AP3D1: variants seen among roughly 807,000 people sequenced by gnomAD.
AP3D1 encodes the protein adaptor related protein complex 3 subunit delta 1.
Under a neutral mutation model 147.6 loss-of-function variants are expected in AP3D1, and 51 were observed. The ratio of observed to expected loss-of-function variants is 0.35; its 90% CI spans 0.28 to 0.44. The LOEUF is 0.44. AP3D1 is among the 20% of genes least tolerant of loss of function. The pLI is 1.00. For missense variants in AP3D1, 1,421 were observed against 1,624.2 expected, an observed-to-expected ratio of 0.87 and a Z score of 2.15; for synonymous variants, 760 against 663.0, an observed-to-expected ratio of 1.15 and a Z score of -2.25.
chr19:2,159,677 C>T (rs1481021472), intron 1 of AP3D1, among the ~76,000 whole-genome samples: 14 of 147,958 alleles, frequency 9.5e-5, no homozygotes, highest in Admixed American at 2.0e-4. Flanking sequence ...TGTGAGCCAC[C>T]GTGCCCGGCC....
rs1361272373 is a variant in AP3D1, at chr19:2,101,078, C to T, written c.*1095G>A. The stretch of plus-strand genomic sequence containing the variant: ...TGTCTCTCTCTTTATACGGGAATGT[C>T]GATAGCAAATAAATTCTTATGTAAC... On this transcript the variant is annotated 3_prime_UTR_variant, in exon 32 of 32. Transcript: ENST00000643116. 2.6e-5 allele frequency: 4 copies of T among 152,530 alleles called. No homozygotes were observed. The highest frequency in any genetic ancestry group is 5.9e-5 in the Non-Finnish European group (4 of 68,032). 9.4% of individuals were successfully genotyped at this position (152,530 alleles called of 1,614,324 possible).
intron 29 of AP3D1, chr19:2,109,547 A>G (rs538780616): frequency 6.3e-6 from 3 of 475,958 alleles, no homozygotes; most frequent in Non-Finnish European, 1.1e-5. Context: ...CTCAGGGGGG[A>G]GGGGGTGCCG....
intron 1 of AP3D1, chr19:2,164,183 A>G (rs2144620004): frequency 8.9e-7 from 1 of 1,125,866 alleles, no homozygotes; most frequent in Non-Finnish European, 1.1e-6. Context: ...GCGCGCGCGG[A>G]CATGGGGGAG....
intron 31 of AP3D1, among the ~76,000 whole-genome samples, chr19:2,104,142 C>A: frequency 6.6e-6 from 1 of 150,866 alleles, no homozygotes; most frequent in South Asian, 2.1e-4. Context: ...ACCCCAACGC[C>A]AAGACACCAA....
At chr19:2,124,759 G>A (rs570184952) in intron 9 of AP3D1, among the ~76,000 whole-genome samples, 6 of 152,274 alleles carry the variant, frequency 3.9e-5, no homozygotes, top group Admixed American at 3.9e-4. Flanking sequence ...TGACCAACAT[G>A]GAGAAACTCT....
intron 1 of AP3D1, chr19:2,164,015 C>A (rs1474412200): frequency 7.9e-6 from 2 of 254,742 alleles, no homozygotes; most frequent in African/African-American, 2.3e-5. Flanking sequence ...AGTCGGGGGC[C>A]GGGCCGGACC....
At chr19:2,113,481 C>A in intron 22 of AP3D1, 68 bp from the exon 23 acceptor site, 1 of 1,009,178 alleles carries the variant, frequency 9.9e-7, no homozygotes, top group African/African-American at 1.7e-5. Context: ...ACGGGGACAG[C>A]AGGGCCAAGG....
chr19:2,116,036 G>A (rs1568282174), intron 18 of AP3D1, among the ~76,000 whole-genome samples, 171 bp downstream of exon 18: 1 of 152,236 alleles, frequency 6.6e-6, no homozygotes, highest in Non-Finnish European at 1.5e-5. Context: ...TCGAATGAAT[G>A]GGGCCCACAG....
chr19:2,152,663 G>A (rs1038272761), upstream of AP3D1, among the ~76,000 whole-genome samples: 3 of 151,904 alleles, frequency 2.0e-5, no homozygotes, highest in Non-Finnish European at 4.4e-5. Context: ...GGATCATGAG[G>A]TCAGGAGTTC....
chr19:2,138,494 G>T, intron 2 of AP3D1, 125 bp downstream of exon 2: 1 of 764,310 alleles, frequency 1.3e-6, no homozygotes, highest in Non-Finnish European at 2.3e-6. Flanking sequence ...GGCCCTGAGT[G>T]GCTCACCGAC....
At chr19:2,112,811 C>T in intron 24 of AP3D1, 49 bp downstream of exon 24, 2 of 1,473,446 alleles carry the variant, frequency 1.4e-6, no homozygotes, top group Non-Finnish European at 1.9e-6. Flanking sequence ...CGTTGGGGTG[C>T]TGGGGCTCAT....
intron 1 of AP3D1, among the ~76,000 whole-genome samples, chr19:2,146,607 CAA>C (rs397859951): frequency 9.2e-4 from 61 of 66,640 alleles, no homozygotes; most frequent in Admixed American, 5.4e-3. Context: ...GACCCTGTCT[CAA>C]AAAAAAAAAA....
Position 2,118,624 on chromosome 19 carries a change from C to A in AP3D1, c.1690G>T (p.Ala564Ser). 6.2e-7 allele frequency: 1 copy of A among 1,610,990 alleles called. No homozygotes were observed. The change falls in exon 15 of 32, where the codon GCA (alanine) becomes TCA (serine). Residue 564 changes from alanine (A) to serine (S), a missense_variant. By Grantham distance (99) the Ala-to-Ser change is moderately conservative (BLOSUM62 1). Coordinates refer to ENST00000643116, the MANE Select transcript of AP3D1 (RefSeq NM_001261826.3). The stretch of plus-strand genomic sequence containing the variant: ...ACCCGCTCCTGCACCTCCAGGTCTG[C>A]GCTCTGCACAAACTGGGGCAGCCGG... Reference protein sequence around the residue: ...VDRLPQFVQSADLEVQERASC... With the variant: ...VDRLPQFVQSSDLEVQERASC...
chr19:2,101,455 A>ACCACACACGC lies in AP3D1; in HGVS notation c.*717_*718insGCGTGTGTGG, dbSNP rs3831627. 0.33 allele frequency: 49,791 copies of ACCACACACGC among 151,890 alleles called. 9,624 individuals are homozygous for ACCACACACGC. The highest frequency in any genetic ancestry group is 0.55 in the African/African-American group (22,568 of 41,338). The allele number at this position is 151,890 out of a possible 1,614,324, so 9.4% of individuals were successfully genotyped here. The stretch of plus-strand genomic sequence containing the variant: ...GCATAGTGGCAAGCAGGGGATGCGG[A>ACCACACACGC]CCACCCCAAACCCAAGCCGAGATGC... On this transcript the variant is annotated 3_prime_UTR_variant, in exon 32 of 32. Transcript: ENST00000643116.
At position 2,104,666 on chromosome 19, in the gene AP3D1, GTTTTTTT is replaced by G. The variant is rs967229513; in HGVS notation, c.3553-2405_3553-2399del. 1.1e-3 allele frequency among the ~76,000 whole-genome samples: 124 copies of G among 113,458 alleles called. 1 individual carries two copies. The highest frequency in any genetic ancestry group is 1.6e-3 in the Non-Finnish European group (92 of 56,282). The allele number at this position is 113,458 out of a possible 152,430, so 74.4% of individuals were successfully genotyped here. On this transcript the variant is annotated intron_variant, in intron 31 of 31. Transcript: ENST00000643116. Reference sequence around the variant, plus strand: ...CGGACACTAGGACTCTCTGACACAAGTTTTTTTTTTTTTTTTTTTTTTTGGAGTCTCA... The same window carrying G: ...CGGACACTAGGACTCTCTGACACAAGTTTTTTTTTTTTTTTTGGAGTCTCA...
chr19:2,156,458 C>T (rs1234881045), upstream of AP3D1, among the ~76,000 whole-genome samples: 1 of 151,944 alleles, frequency 6.6e-6, no homozygotes, highest in Non-Finnish European at 1.5e-5. Flanking sequence ...TATCCATCCA[C>T]CTACCTATCC....
At chr19:2,157,238 C>A (rs112663739) in intron 1 of AP3D1, among the ~76,000 whole-genome samples, 1 of 150,924 alleles carries the variant, frequency 6.6e-6, no homozygotes, top group South Asian at 2.1e-4. Context: ...GTCAGGAGAT[C>A]GAGACCATCC....
intron 11 of AP3D1, 69 bp downstream of exon 11, chr19:2,123,289 C>A: frequency 6.8e-7 from 1 of 1,474,576 alleles, no homozygotes; most frequent in South Asian, 1.2e-5. Context: ...CCTCCTCACA[C>A]TAGGAGGACC....
At chr19:2,149,590 G>A (rs1298145887) in intron 1 of AP3D1, among the ~76,000 whole-genome samples, 1 of 151,496 alleles carries the variant, frequency 6.6e-6, no homozygotes, top group Non-Finnish European at 1.5e-5. Flanking sequence ...CCTTGAAGGG[G>A]CCCAGACTTG....
Sources: allele counts gnomAD v4.1 joint callset (sites outside exome capture counted in the v4.1 genomes callset), GRCh38; gene constraint gnomAD v4.1.1; transcripts MANE v1.5; gene names NCBI Gene and HGNC (gene_info 2026-07-23, HGNC 2026-07-21).